The following KCNQ3 variants were observed in gnomAD, a reference collection of about 807,000 sequenced individuals.
KCNQ3 encodes the protein potassium voltage-gated channel subfamily KQT member 3.
KCNQ3 carries 30 observed loss-of-function variants against 92.5 expected under a neutral mutation model. That is an observed-to-expected ratio of 0.32 (90% confidence interval 0.24 to 0.44). KCNQ3 has a LOEUF of 0.44. KCNQ3 is among the 20% of genes least tolerant of loss of function. KCNQ3 has a pLI of 1.00. For missense variants in KCNQ3, 913 were observed against 1,140.3 expected, an observed-to-expected ratio of 0.80 and a Z score of 2.87; for synonymous variants, 450 against 468.8, an observed-to-expected ratio of 0.96 and a Z score of 0.52.
At chr8:132,186,956 CAGAGAGAGAGAGAGAGAG>C (rs1160355665) in intron 1 of KCNQ3, among the ~76,000 whole-genome samples, 10 of 94,172 alleles carry the variant, frequency 1.1e-4, no homozygotes, top group South Asian at 4.1e-4. Context: ...GAGAGAGAGA[CAGAGAGAGAGAGAGAGAG>C]AGAGAGAGAG....
chr8:132,283,935 A>G (rs957019202), intron 1 of KCNQ3, among the ~76,000 whole-genome samples: 2 of 152,172 alleles, frequency 1.3e-5, no homozygotes, highest in African/African-American at 4.8e-5. Flanking sequence ...TTTGTCAGGC[A>G]TCTACTTTTG....
At chr8:132,462,482 C>A (rs1013443702) in intron 1 of KCNQ3, among the ~76,000 whole-genome samples, 3 of 152,120 alleles carry the variant, frequency 2.0e-5, no homozygotes, top group Non-Finnish European at 2.9e-5. Flanking sequence ...GCCACTGCAC[C>A]CAGCTGTGAA....
intron 1 of KCNQ3, among the ~76,000 whole-genome samples, chr8:132,351,570 G>C (rs546941679): frequency 6.6e-6 from 1 of 152,302 alleles, no homozygotes; most frequent in East Asian, 1.9e-4. Context: ...CCTCCACAGT[G>C]GCTGTGGGGC....
intron 1 of KCNQ3, among the ~76,000 whole-genome samples, chr8:132,313,143 T>A (rs1430821762): frequency 6.6e-6 from 1 of 152,166 alleles, no homozygotes; most frequent in Non-Finnish European, 1.5e-5. Flanking sequence ...ACACTCCCTG[T>A]TTACAGAAAA....
intron 7 of KCNQ3, among the ~76,000 whole-genome samples, 168 bp downstream of exon 7, chr8:132,172,430 A>G (rs1005327180): frequency 6.6e-6 from 1 of 151,690 alleles, no homozygotes; most frequent in Non-Finnish European, 1.5e-5. Context: ...ACACACACAC[A>G]CACACAGACA....
At chr8:132,187,747 G>GTGGTGGTAGTGATGA (rs1395121569) in intron 1 of KCNQ3, among the ~76,000 whole-genome samples, 1 of 150,958 alleles carries the variant, frequency 6.6e-6, no homozygotes, top group African/African-American at 2.4e-5. Flanking sequence ...GATGGTGGTG[G>GTGGTGGTAGTGATGA]TGGTGGTAGT....
At chr8:132,188,649 T>G (rs1827070520) in intron 1 of KCNQ3, among the ~76,000 whole-genome samples, 1 of 152,216 alleles carries the variant, frequency 6.6e-6, no homozygotes, top group South Asian at 2.1e-4. Flanking sequence ...ATCAATTTAT[T>G]TGGTGCCTCT....
chr8:132,298,036 A>C (rs1289162692), intron 1 of KCNQ3, among the ~76,000 whole-genome samples: 1 of 152,158 alleles, frequency 6.6e-6, no homozygotes, highest in Non-Finnish European at 1.5e-5. Context: ...TGTTCCCTTA[A>C]GAGGCTTTGT....
rs184034707 is a variant in KCNQ3 at position 132,154,662 on chromosome 8, A to C, written c.1262+8806T>G. 1.4e-3 allele frequency among the ~76,000 whole-genome samples: 213 copies of C among 152,314 alleles called. 2 individuals are homozygous for C. Among genetic ancestry groups the C allele is most frequent in the African/African-American group, 5.0e-3 (207 of 41,566 alleles). On this transcript the variant is annotated intron_variant, in intron 9 of 14. Coordinates refer to ENST00000388996, the MANE Select transcript of KCNQ3 (RefSeq NM_004519.4). ...GCTGCAGGAAGTTTGTGCCGCTTGC[A>C]GGGAGGAGGAGCCTGGCCTCTCCTG...
chr8:132,336,557 G>A (rs866546566), intron 1 of KCNQ3, among the ~76,000 whole-genome samples: 6 of 152,066 alleles, frequency 3.9e-5, no homozygotes, highest in African/African-American at 4.8e-5. Context: ...GATGAATAAC[G>A]GGGATCTGAA....
At chr8:132,408,400 A>T (rs1051723602) in intron 1 of KCNQ3, among the ~76,000 whole-genome samples, 1 of 152,006 alleles carries the variant, frequency 6.6e-6, no homozygotes, top group Non-Finnish European at 1.5e-5. Context: ...CATCCCCCTG[A>T]CCTTCAATCC....
At position 132,330,427 on chromosome 8, in the gene KCNQ3, A is replaced by C. The variant is rs542662181; in HGVS notation, c.387-144246T>G. Among the ~76,000 whole-genome samples, 16 of 152,200 alleles carry C rather than the reference A, an allele frequency of 1.1e-4. No homozygotes were observed. The East Asian group carries it at 2.7e-3, about 26-fold the overall frequency. On this transcript the variant is annotated intron_variant, in intron 1 of 14. Transcript: ENST00000388996. Reference sequence around the variant, plus strand: ...TTTGCTCGAGGAAAACCTCCAGGGGATCTATCTCTCTCCTGCAGCTGTGCT... The same window carrying C: ...TTTGCTCGAGGAAAACCTCCAGGGGCTCTATCTCTCTCCTGCAGCTGTGCT...
At chr8:132,470,628 A>C (rs1822276649) in intron 1 of KCNQ3, among the ~76,000 whole-genome samples, 1 of 152,254 alleles carries the variant, frequency 6.6e-6, no homozygotes, top group African/African-American at 2.4e-5. Context: ...AATAAATTAA[A>C]TTTTGATACA....
At chr8:132,445,778 C>G (rs994174992) in intron 1 of KCNQ3, among the ~76,000 whole-genome samples, 1 of 151,588 alleles carries the variant, frequency 6.6e-6, no homozygotes, top group African/African-American at 2.4e-5. Flanking sequence ...CACAACTACC[C>G]CATTTCACAG....
chr8:132,364,459 G>A (rs2130728047), intron 1 of KCNQ3, among the ~76,000 whole-genome samples: 1 of 152,240 alleles, frequency 6.6e-6, no homozygotes, highest in South Asian at 2.1e-4. Context: ...TCATGCCACG[G>A]GAGGTCACTT....
chr8:132,409,868 A>C (rs1820602445), intron 1 of KCNQ3, among the ~76,000 whole-genome samples: 2 of 152,378 alleles, frequency 1.3e-5, no homozygotes, highest in South Asian at 2.1e-4. Context: ...TTGGAATAAT[A>C]ATCCTTGGTC....
At chr8:132,138,117 A>C in intron 11 of KCNQ3, 101 bp from the exon 12 acceptor site, 1 of 1,370,920 alleles carries the variant, frequency 7.3e-7, no homozygotes, top group East Asian at 2.3e-5. Context: ...AAAAGAACCA[A>C]AGATAAAAGA....
At chr8:132,345,839 AATG>A (rs1469237067) in intron 1 of KCNQ3, among the ~76,000 whole-genome samples, 1 of 152,088 alleles carries the variant, frequency 6.6e-6, no homozygotes, top group Non-Finnish European at 1.5e-5. Flanking sequence ...GATGACTGAT[AATG>A]ATGATGATAA....
Position 132,346,040 on chromosome 8 carries a change from T to C in KCNQ3, c.386+134107A>G, listed in dbSNP as rs565623485. Among the ~76,000 whole-genome samples, 21 of 152,002 alleles carry C rather than the reference T, an allele frequency of 1.4e-4. No individual in the cohort carries two copies. In the South Asian group the frequency reaches 3.5e-3, roughly 26 times the overall value. ...GATGGTGATGATGATGAAAAGGTCA[T>C]GATGGTGATGGTGATGATGGAATGG... On this transcript the variant is annotated intron_variant, in intron 1 of 14. Coordinates refer to ENST00000388996, the MANE Select transcript of KCNQ3 (RefSeq NM_004519.4).
Sources: allele counts gnomAD v4.1 joint callset (sites outside exome capture counted in the v4.1 genomes callset), GRCh38; gene constraint gnomAD v4.1.1; transcripts MANE v1.5; gene names NCBI Gene and HGNC (gene_info 2026-07-23, HGNC 2026-07-21).